Variants in HIVEP2 observed in about 807,000 individuals in gnomAD.
HIVEP2 encodes transcription factor HIVEP2.
Under a neutral mutation model 180.7 loss-of-function variants are expected in HIVEP2, and 14 were observed. That is an observed-to-expected ratio of 0.08 (90% CI 0.05 to 0.12). The LOEUF is 0.12. Among genes scored for constraint, HIVEP2 ranks in the 10% least tolerant of loss-of-function variants. HIVEP2 has a pLI of 1.00. For synonymous variants in HIVEP2, 1,184 were observed against 1,136.4 expected (o/e 1.04, Z -0.84); for missense variants, 2,579 against 3,008.5 (o/e 0.86, Z 3.34).
At chr6:142,821,694 A>C (rs999217075) in intron 2 of HIVEP2, among the ~76,000 whole-genome samples, 3 of 152,204 alleles carry the variant, frequency 2.0e-5, no homozygotes, top group Non-Finnish European at 4.4e-5. Flanking sequence ...TTCCTAAATT[A>C]ATTTAACAAA....
Position 142,880,987 on chromosome 6 carries a change from T to C in HIVEP2, c.-640-43940A>G, listed in dbSNP as rs187379898. Among the ~76,000 whole-genome samples the C allele has an allele frequency of 1.3e-4, 20 of 152,310 alleles. 1 individual carries two copies. Among genetic ancestry groups the C allele is most frequent in the Non-Finnish European group, 2.4e-4 (16 of 68,002 alleles). On this transcript the variant is annotated intron_variant, in intron 1 of 9. Transcript: ENST00000367603. ...CTCAGTTTGGATCAAGCATGAAATG[T>C]CATTTTTTTTCCCCATACTAGACTC...
intron 1 of HIVEP2, among the ~76,000 whole-genome samples, chr6:142,930,876 A>G (rs1362090947): frequency 2.0e-5 from 3 of 152,172 alleles, no homozygotes; most frequent in Non-Finnish European, 4.4e-5. Context: ...TCTCCTAGTC[A>G]CTCACAAAGT....
intron 2 of HIVEP2, among the ~76,000 whole-genome samples, chr6:142,809,443 T>C (rs1053580929): frequency 6.6e-6 from 1 of 152,210 alleles, no homozygotes; most frequent in Admixed American, 6.5e-5. Flanking sequence ...CGTGTCTCTC[T>C]TCAGAGCAGA....
chr6:142,918,787 G>A (rs1240454877), intron 1 of HIVEP2, among the ~76,000 whole-genome samples: 1 of 152,136 alleles, frequency 6.6e-6, no homozygotes, highest in Non-Finnish European at 1.5e-5. Flanking sequence ...ATTTTCTCAT[G>A]ACAAAACAAT....
At position 142,772,862 on chromosome 6, in the gene HIVEP2, T is replaced by C. The variant is rs1245751135; in HGVS notation, c.1877A>G (p.Lys626Arg). The C allele has an allele frequency of 6.8e-6, 11 of 1,614,188 alleles. No homozygotes were observed. Among genetic ancestry groups the C allele is most frequent in the Non-Finnish European group, 8.5e-6 (10 of 1,180,028 alleles). ...AACCCTGTCCCCAGGAGACAATTTC[T>C]TTTCCTTCAGGGATGAACTGCTGAT... is the stretch of plus-strand genomic sequence containing the variant. ...KGISSSSLKEKKLSPGDRVGY... is the reference protein window; with the variant it reads ...KGISSSSLKERKLSPGDRVGY... Residue 626 changes from lysine to arginine, a missense_variant, in exon 5 of 10, where the codon AAG (lysine) becomes AGG (arginine). Physicochemically the swap from Lys to Arg is conservative, Grantham distance 26. Coordinates refer to ENST00000367603, the MANE Select transcript of HIVEP2 (RefSeq NM_006734.4). The surrounding 1 kb of genome is among the most constrained non-coding windows in gnomAD (Gnocchi z 4.9).
At chr6:142,896,328 C>T (rs1238333621) in intron 1 of HIVEP2, among the ~76,000 whole-genome samples, 9 of 152,142 alleles carry the variant, frequency 5.9e-5, no homozygotes, top group Admixed American at 5.2e-4. Context: ...CTCTGAATTC[C>T]ACTGTGAACC....
Position 142,773,584 on chromosome 6 carries a change from G to A in HIVEP2, c.1155C>T (p.Leu385=). 6.8e-6 allele frequency: 11 copies of A among 1,614,206 alleles called. No individual in the cohort carries two copies. Among genetic ancestry groups the A allele is most frequent in the Admixed American group, 1.7e-5 (1 of 60,032 alleles). The part of the protein sequence containing the change: ...EKKGQDSEPS[L]NLLSPHSKGS... Reference sequence around the variant, plus strand: ...CTTTACTGTGCGGGCTCAGAAGGTTGAGCGATGGCTCAGAATCTTGTCCTT... The same window carrying A: ...CTTTACTGTGCGGGCTCAGAAGGTTAAGCGATGGCTCAGAATCTTGTCCTT... The change falls in exon 5 of 10, where the codon CTC becomes CTT. Residue 385 remains leucine, a synonymous_variant. Coordinates refer to ENST00000367603, the MANE Select transcript of HIVEP2 (RefSeq NM_006734.4).
rs767803564 is a variant in HIVEP2 at position 142,753,836 on chromosome 6, C to T, written c.6612G>A (p.Glu2204=). 3 of 1,613,926 alleles carry T rather than the reference C, an allele frequency of 1.9e-6. No homozygotes were observed. The highest frequency in any genetic ancestry group is 3.3e-5 in the Admixed American group (2 of 60,024). ...GACTGAAGACATAGTCATTAGGACC[C>T]TCAGGGAAAAGGCTGGAGCCTGGAT... ...YEHPGSSLFP[E]GPNDYVFSHL... Residue 2204 remains glutamate (E), a synonymous_variant, in exon 10 of 10, where the codon GAG becomes GAA. Coordinates refer to ENST00000367603, the MANE Select transcript of HIVEP2 (RefSeq NM_006734.4).
chr6:142,906,855 C>T lies in HIVEP2; in HGVS notation c.-641+38244G>A, dbSNP rs372889378. ...AAAAATTCTAAAAATCAAGTTGATA[C>T]ATTATAAAAGCCTATAAGATAGTTA... is the stretch of plus-strand genomic sequence containing the variant. On this transcript the variant is annotated intron_variant, in intron 1 of 9. Transcript: ENST00000367603. 3.3e-5 allele frequency among the ~76,000 whole-genome samples: 5 copies of T among 152,228 alleles called. No individual in the cohort carries two copies. The East Asian group carries it at 7.7e-4, about 23-fold the overall frequency.
chr6:142,891,125 C>T (rs1776849171), intron 1 of HIVEP2, among the ~76,000 whole-genome samples: 1 of 152,202 alleles, frequency 6.6e-6, no homozygotes, highest in African/African-American at 2.4e-5. Context: ...CTTTCACTTA[C>T]ATGCTTAAAG....
chr6:142,847,216 A>G (rs1415932269), intron 1 of HIVEP2, among the ~76,000 whole-genome samples: 1 of 152,202 alleles, frequency 6.6e-6, no homozygotes, highest in African/African-American at 2.4e-5. Flanking sequence ...GGTGCGGGGA[A>G]TGCCAAGGTA....
chr6:142,944,129 C>T (rs1186883190), intron 1 of HIVEP2, among the ~76,000 whole-genome samples: 2 of 152,160 alleles, frequency 1.3e-5, no homozygotes, highest in African/African-American at 4.8e-5. Flanking sequence ...CCCTCCTTCC[C>T]TTCTTCCTTT....
intron 3 of HIVEP2, among the ~76,000 whole-genome samples, chr6:142,780,315 G>A (rs941608885): frequency 6.6e-6 from 1 of 152,200 alleles, no homozygotes. Flanking sequence ...GCACTACAGG[G>A]ACCCCTCCTC....
intron 2 of HIVEP2, among the ~76,000 whole-genome samples, chr6:142,794,294 C>CA (rs1776230460): frequency 6.6e-6 from 1 of 152,082 alleles, no homozygotes; most frequent in Non-Finnish European, 1.5e-5. Context: ...ACACAGATCT[C>CA]AATAATGGGG....
At chr6:142,762,452 GCACACACACACACACACACA>G (rs35168499) in intron 7 of HIVEP2, among the ~76,000 whole-genome samples, 8 of 144,144 alleles carry the variant, frequency 5.6e-5, no homozygotes, top group Admixed American at 2.1e-4. Flanking sequence ...ACAGAAGAAT[GCACACACACACACACACACA>G]CACACACACA....
At position 142,860,222 on chromosome 6, in the gene HIVEP2, A is replaced by G. The variant is rs540662040; in HGVS notation, c.-640-23175T>C. On this transcript the variant is annotated intron_variant, in intron 1 of 9. Coordinates refer to ENST00000367603, the MANE Select transcript of HIVEP2 (RefSeq NM_006734.4). ...CTCCCATTCATGTTAAGAAGAACCC[A>G]GGTGATAAAAACTTAAATGAACTCC... is the stretch of plus-strand genomic sequence containing the variant. Among the ~76,000 whole-genome samples, 8 of 152,338 alleles carry G rather than the reference A, an allele frequency of 5.3e-5. No homozygotes were observed. The East Asian group carries it at 1.5e-3, about 29-fold the overall frequency.
rs546370312 is a variant in HIVEP2, at chr6:142,938,547, T to C, written c.-641+6552A>G. ...CAACTATCAGGATGAGAATTCACGCTGTATTTAAGTAGCAAAATTTTCTCT... is the reference window on the plus strand; with the variant it reads ...CAACTATCAGGATGAGAATTCACGCCGTATTTAAGTAGCAAAATTTTCTCT... On this transcript the variant is annotated intron_variant, in intron 1 of 9. Coordinates refer to ENST00000367603, the MANE Select transcript of HIVEP2 (RefSeq NM_006734.4). 3.9e-5 allele frequency among the ~76,000 whole-genome samples: 6 copies of C among 152,372 alleles called. No individual in the cohort carries two copies. In the East Asian group the frequency reaches 1.2e-3, roughly 29 times the overall value.
At chr6:142,879,835 G>C (rs1776538594) in intron 1 of HIVEP2, among the ~76,000 whole-genome samples, 1 of 152,004 alleles carries the variant, frequency 6.6e-6, no homozygotes, top group African/African-American at 2.4e-5. Flanking sequence ...GCTGCGTTCT[G>C]TTTCCCTGGT....
intron 1 of HIVEP2, among the ~76,000 whole-genome samples, chr6:142,845,273 G>A (rs1013526116): frequency 1.3e-4 from 20 of 152,070 alleles, no homozygotes; most frequent in African/African-American, 4.3e-4. Flanking sequence ...TCCTATTAAG[G>A]CACAGTGCAA....
Sources: gnomAD v4.1 joint callset for allele counts (sites outside exome capture counted in the v4.1 genomes callset) on GRCh38, gnomAD v4.1.1 for gene constraint, Gnocchi (gnomAD v3.1) non-coding constraint, MANE v1.5 for transcripts, NCBI Gene and HGNC (gene_info 2026-07-23, HGNC 2026-07-21) for gene names.